The following CNTN5 variants were observed in gnomAD, a reference collection of about 807,000 sequenced individuals.
The protein encoded by CNTN5 is contactin 5.
A neutral mutation model predicts 129.1 loss-of-function variants in CNTN5; 77 were observed. That is an observed-to-expected ratio of 0.60 (90% CI 0.50 to 0.72). The LOEUF is 0.72. Among genes scored for constraint, CNTN5 ranks in the 30% least tolerant of loss-of-function variants. The pLI, the probability that CNTN5 is intolerant of heterozygous loss-of-function variation, is 0.00. For missense variants in CNTN5, 1,478 were observed against 1,328.8 expected (o/e 1.11, Z -1.75); for synonymous variants, 509 against 465.6 (o/e 1.09, Z -1.20).
At position 100,061,200 on chromosome 11, in the gene CNTN5, T is replaced by C. The variant is rs1232761284; in HGVS notation, c.981-12T>C. Reference sequence around the variant, plus strand: ...GAGAGTGTATTAACAGTATTTTTGTTCCCTATCGTAGCCCCGTTCCAACAA... The same window carrying C: ...GAGAGTGTATTAACAGTATTTTTGTCCCCTATCGTAGCCCCGTTCCAACAA... On this transcript the variant is annotated splice_polypyrimidine_tract_variant and intron_variant, in intron 9 of 24. Transcript: ENST00000524871. The C allele has an allele frequency of 1.3e-6, 2 of 1,596,864 alleles. No homozygotes were observed. Among genetic ancestry groups the C allele is most frequent in the East Asian group, 4.5e-5 (2 of 44,430 alleles).
At chr11:99,054,312 A>G (rs919982170) in intron 1 of CNTN5, among the ~76,000 whole-genome samples, 3 of 151,784 alleles carry the variant, frequency 2.0e-5, no homozygotes, top group African/African-American at 7.3e-5. Context: ...CACAGAGAGA[A>G]AAAAAAAGCT....
intron 1 of CNTN5, among the ~76,000 whole-genome samples, chr11:99,289,046 T>C (rs182713431): frequency 6.6e-6 from 1 of 151,950 alleles, no homozygotes; most frequent in Admixed American, 6.6e-5. Flanking sequence ...TACAGTTTTT[T>C]CTTAAAGATT....
At chr11:99,148,034 T>C (rs550894347) in intron 1 of CNTN5, among the ~76,000 whole-genome samples, 17 of 152,254 alleles carry the variant, frequency 1.1e-4, no homozygotes, top group Middle Eastern at 3.4e-3. Flanking sequence ...TTTAATAGTA[T>C]TAAACATCAT....
At chr11:100,169,264 T>C (rs896368177) in intron 13 of CNTN5, among the ~76,000 whole-genome samples, 1 of 152,102 alleles carries the variant, frequency 6.6e-6, no homozygotes, top group East Asian at 1.9e-4. Flanking sequence ...GGGTGAAGTA[T>C]GAACCAACAG....
chr11:99,409,578 T>G (rs963627653), intron 2 of CNTN5, among the ~76,000 whole-genome samples: 10 of 152,228 alleles, frequency 6.6e-5, no homozygotes, highest in African/African-American at 1.9e-4. Flanking sequence ...AAATAAATCA[T>G]GAATTAATAC....
At chr11:99,767,913 A>T (rs181643306) in intron 3 of CNTN5, among the ~76,000 whole-genome samples, 25 of 152,232 alleles carry the variant, frequency 1.6e-4, no homozygotes, top group Admixed American at 9.8e-4. Flanking sequence ...AAGTAAAATG[A>T]ACACCCATAT....
intron 12 of CNTN5, among the ~76,000 whole-genome samples, chr11:100,073,858 T>C (rs182729163): frequency 6.6e-6 from 1 of 152,304 alleles, no homozygotes; most frequent in Admixed American, 6.5e-5. Context: ...GGTCATTCAC[T>C]AGTCTTTCAT....
intron 3 of CNTN5, among the ~76,000 whole-genome samples, chr11:99,687,912 C>A (rs771379442): frequency 6.6e-5 from 10 of 152,106 alleles, no homozygotes; most frequent in Non-Finnish European, 1.0e-4. Flanking sequence ...AATTCTCATG[C>A]CTATATTTAA....
At chr11:99,326,927 A>G (rs1438624067) in intron 2 of CNTN5, among the ~76,000 whole-genome samples, 2 of 152,172 alleles carry the variant, frequency 1.3e-5, no homozygotes, top group African/African-American at 4.8e-5. Flanking sequence ...AGAATAGGTT[A>G]CATACACAAA....
chr11:99,860,043 G>T (rs1948158029), intron 6 of CNTN5, among the ~76,000 whole-genome samples: 1 of 152,100 alleles, frequency 6.6e-6, no homozygotes, highest in Non-Finnish European at 1.5e-5. Flanking sequence ...CATTCTGACT[G>T]GTGTGAGATG....
At chr11:99,238,136 T>C (rs911872040) in intron 1 of CNTN5, among the ~76,000 whole-genome samples, 1 of 152,158 alleles carries the variant, frequency 6.6e-6, no homozygotes, top group Admixed American at 6.5e-5. Context: ...TGCATCTTTT[T>C]AAAAATGGGA....
At chr11:100,220,559 T>C (rs1416992328) in intron 15 of CNTN5, among the ~76,000 whole-genome samples, 2 of 152,142 alleles carry the variant, frequency 1.3e-5, no homozygotes, top group African/African-American at 4.8e-5. Flanking sequence ...ATGGAAAATA[T>C]TGATACCCAG....
At chr11:99,333,237 T>C (rs1457533040) in intron 2 of CNTN5, among the ~76,000 whole-genome samples, 1 of 152,080 alleles carries the variant, frequency 6.6e-6, no homozygotes, top group Non-Finnish European at 1.5e-5. Context: ...AATTTTCTTC[T>C]GATATGTTGA....
intron 16 of CNTN5, among the ~76,000 whole-genome samples, chr11:100,248,852 G>A (rs940126760): frequency 6.6e-6 from 1 of 152,144 alleles, no homozygotes; most frequent in Non-Finnish European, 1.5e-5. Context: ...TGTCTACAAG[G>A]AGAATGAGCA....
intron 1 of CNTN5, among the ~76,000 whole-genome samples, chr11:99,046,255 G>A (rs548924863): frequency 2.6e-5 from 4 of 152,176 alleles, no homozygotes; most frequent in East Asian, 1.9e-4. Context: ...CCTGAGAATC[G>A]CTTGAACCCA....
rs142054484 is a variant in CNTN5, at chr11:99,482,162, C to T, written c.-70-73983C>T. Reference sequence around the variant, plus strand: ...TATGAACTGAACATATGAATTAGTACGCTATACCTTTCCCTTTCAGATACT... The same window carrying T: ...TATGAACTGAACATATGAATTAGTATGCTATACCTTTCCCTTTCAGATACT... On this transcript the variant is annotated intron_variant, in intron 2 of 24. Coordinates refer to ENST00000524871, the MANE Select transcript of CNTN5 (RefSeq NM_014361.4). Among the ~76,000 whole-genome samples the T allele has an allele frequency of 3.7e-4, 56 of 152,212 alleles. 1 individual carries two copies. Among genetic ancestry groups the T allele is most frequent in the African/African-American group, 1.2e-3 (50 of 41,546 alleles).
At chr11:99,333,605 A>G (rs1317738406) in intron 2 of CNTN5, among the ~76,000 whole-genome samples, 7 of 152,066 alleles carry the variant, frequency 4.6e-5, no homozygotes, top group Non-Finnish European at 8.8e-5. Context: ...ATTTGATACT[A>G]AGCTAGCATG....
chr11:100,323,664 A>G (rs911236520), intron 21 of CNTN5, among the ~76,000 whole-genome samples: 2 of 148,982 alleles, frequency 1.3e-5, no homozygotes, highest in Non-Finnish European at 3.0e-5. Flanking sequence ...ATCACTCTTG[A>G]TTAAAAGAGA....
chr11:99,155,666 A>T (rs763815234), intron 1 of CNTN5, among the ~76,000 whole-genome samples: 38 of 152,208 alleles, frequency 2.5e-4, no homozygotes, highest in Non-Finnish European at 5.0e-4. Context: ...TAAAAAAAAA[A>T]ACTAGTAAGT....
Sources: allele counts gnomAD v4.1 joint callset (sites outside exome capture counted in the v4.1 genomes callset), GRCh38; gene constraint gnomAD v4.1.1; transcripts MANE v1.5; gene names NCBI Gene and HGNC (gene_info 2026-07-23, HGNC 2026-07-21).